Variants in ARHGEF1 observed in about 807,000 individuals in gnomAD.
ARHGEF1 encodes the protein 115 kDa guanine nucleotide exchange factor.
In ARHGEF1, 40 loss-of-function variants were observed where a neutral mutation model predicts 119.7. The observed-to-expected ratio is 0.33, with a 90% CI of 0.26 to 0.44. The LOEUF (loss-of-function observed/expected upper bound fraction) is 0.44, where lower values mean the gene tolerates loss of function less well. Ranked by LOEUF, ARHGEF1 falls within the 20% of genes least tolerant of loss-of-function variation. The probability of loss-of-function intolerance (pLI) is 1.00; values close to 1 mark genes in which losing one functional copy is unlikely to be tolerated. For synonymous variants in ARHGEF1, 494 were observed against 521.0 expected, an observed-to-expected ratio of 0.95 and a Z score of 0.71; for missense variants, 976 against 1,268.3, an observed-to-expected ratio of 0.77 and a Z score of 3.50.
At chr19:41,915,511 T>C (rs1468690175) in intron 18 of ARHGEF1, among the ~76,000 whole-genome samples, 8 of 151,844 alleles carry the variant, frequency 5.3e-5, no homozygotes, top group Non-Finnish European at 7.4e-5. Context: ...TGTCTCTGGG[T>C]CTCCACATGG....
In ARHGEF1 at chr19:41,905,135, G is replaced by A. The variant is rs368966748; in HGVS notation, c.2250-40G>A. ...GTGGGGAGGCCCTGGCATAGGGTCT[G>A]GGGGCTCTGACTGCCCAGGGATTTG... On this transcript the variant is annotated intron_variant, in intron 23 of 28. Coordinates refer to ENST00000354532, the MANE Select transcript of ARHGEF1 (RefSeq NM_004706.4). This position sits in a 1 kb window ranked among gnomAD's most constrained non-coding sequence, Gnocchi z 6.4. 22 of 1,611,552 alleles carry A rather than the reference G, an allele frequency of 1.4e-5. No individual in the cohort carries two copies. Among genetic ancestry groups the A allele is most frequent in the Non-Finnish European group, 1.7e-5 (20 of 1,177,878 alleles).
rs1229964086 is a variant in ARHGEF1, at chr19:41,902,669, G to A, written c.1623+11G>A. On this transcript the variant is annotated intron_variant, in intron 17 of 28. Transcript: ENST00000354532. This position sits in a 1 kb window ranked among gnomAD's most constrained non-coding sequence, Gnocchi z 6.5. ...TGTGCCTTCGTGCAGGTGAGGTGGG[G>A]TCTGGACTCCAGCTTCCCAGGGAGG... 1 of 1,614,062 alleles carries A rather than the reference G, an allele frequency of 6.2e-7. No individual in the cohort carries two copies. The highest frequency in any genetic ancestry group is 1.3e-5 in the African/African-American group (1 of 75,052).
At chr19:41,908,077 C>G (rs963267725), downstream of ARHGEF1, 237 of 519,734 alleles carry the variant, frequency 4.6e-4, no homozygotes, top group East Asian at 6.9e-3. This position sits in a 1 kb window ranked among gnomAD's most constrained non-coding sequence, Gnocchi z 6.7. Context: ...AGACCCCCCC[C>G]ACTCTGGGGC....
At chr19:41,907,510 C>A, downstream of ARHGEF1, 3 of 1,137,440 alleles carry the variant, frequency 2.6e-6, no homozygotes, top group Non-Finnish European at 3.6e-6. Context: ...CTCTCTGTGA[C>A]TGTCTGGCGT....
chr19:41,903,495 C>T lies in ARHGEF1; in HGVS notation c.1839+88C>T, dbSNP rs1052846375. Reference sequence around the variant, plus strand: ...ACCTCAGCCTGTCCAGAAGTCACACCCCACCCCTTGGCTTGTCTCCCTCAA... The same window carrying T: ...ACCTCAGCCTGTCCAGAAGTCACACTCCACCCCTTGGCTTGTCTCCCTCAA... On this transcript the variant is annotated intron_variant, in intron 19 of 28. Transcript: ENST00000354532. The surrounding 1 kb of genome is among the most constrained non-coding windows in gnomAD (Gnocchi z 4.2). 4 of 1,336,332 alleles carry T rather than the reference C, an allele frequency of 3.0e-6. No individual in the cohort carries two copies. Among genetic ancestry groups the T allele is most frequent in the African/African-American group, 3.0e-5 (2 of 66,344 alleles). The allele number at this position is 1,336,332 out of a possible 1,614,324, so 82.8% of individuals were successfully genotyped here.
chr19:41,892,409 G>A lies in ARHGEF1; in HGVS notation c.367+36G>A, dbSNP rs781996865. On this transcript the variant is annotated intron_variant, in intron 6 of 28. Transcript: ENST00000354532. This position sits in a 1 kb window ranked among gnomAD's most constrained non-coding sequence, Gnocchi z 6.3. ...GGATGGGATGAGGGAGAGGTGTCTA[G>A]CGGGGACCACACCTCCCAGGAGGCC... is the stretch of plus-strand genomic sequence containing the variant. 2 of 1,613,568 alleles carry A rather than the reference G, an allele frequency of 1.2e-6. No homozygotes were observed. The highest frequency in any genetic ancestry group is 1.7e-6 in the Non-Finnish European group (2 of 1,179,802).
In ARHGEF1 at chr19:41,926,101, C is replaced by G. The variant is rs138528071; in HGVS notation, c.141-2730C>G. Among the ~76,000 whole-genome samples the G allele has an allele frequency of 2.6e-5, 4 of 151,730 alleles. No homozygotes were observed. In the South Asian group the frequency reaches 6.3e-4, roughly 24 times the overall value. On this transcript the variant is annotated intron_variant, in intron 1 of 2. Coordinates refer to the ARHGEF1 transcript ENST00000594417. Reference sequence around the variant, plus strand: ...TTTAGGGGACAGGTGGGATGGCTCACGTACAGGTAGGAAGGGGCCAGTGTG... The same window carrying G: ...TTTAGGGGACAGGTGGGATGGCTCAGGTACAGGTAGGAAGGGGCCAGTGTG...
chr19:41,906,067 C>G lies in ARHGEF1; in HGVS notation c.2491+42C>G, dbSNP rs373112348. ...CCTCCAGGGTGGCCACCAGCCCAAACAGTGCCTCTGTTCCAACTAGAACAA... is the reference window on the plus strand; with the variant it reads ...CCTCCAGGGTGGCCACCAGCCCAAAGAGTGCCTCTGTTCCAACTAGAACAA... On this transcript the variant is annotated intron_variant, in intron 26 of 28. Coordinates refer to ENST00000354532, the MANE Select transcript of ARHGEF1 (RefSeq NM_004706.4). The surrounding 1 kb of genome is among the most constrained non-coding windows in gnomAD (Gnocchi z 4.5). 3.8e-6 allele frequency: 6 copies of G among 1,562,290 alleles called. No individual in the cohort carries two copies. The highest frequency in any genetic ancestry group is 1.7e-5 in the Admixed American group (1 of 59,824).
At position 41,883,193 on chromosome 19, in the gene ARHGEF1, C is replaced by G; in HGVS notation, c.-116C>G. 5.6e-6 allele frequency: 1 copy of G among 177,128 alleles called. No individual in the cohort carries two copies. The highest frequency in any genetic ancestry group is 6.6e-5 in the South Asian group (1 of 15,124). The allele number at this position is 177,128 out of a possible 1,614,324, so 11.0% of individuals were successfully genotyped here. A position where few individuals can be genotyped will look rare whatever the true frequency, so the allele number is the denominator to read the frequency against. On this transcript the variant is annotated 5_prime_UTR_variant, in exon 1 of 29. Transcript: ENST00000354532. The surrounding 1 kb of genome is among the most constrained non-coding windows in gnomAD (Gnocchi z 7.6). ...TCCGGAAAAACGCCCCGACTTCCTG[C>G]CCCGCCAGAGCCAGGAAGCGGGAGC...
chr19:41,893,177 C>T (rs1555846653), intron 7 of ARHGEF1, 97 bp from the exon 8 acceptor site: 2 of 1,520,616 alleles, frequency 1.3e-6, no homozygotes, highest in Non-Finnish European at 9.0e-7. Context: ...TCTCTTCCCC[C>T]TGCCTATCCC....
intron 4 of ARHGEF1, 69 bp from the exon 5 acceptor site, chr19:41,891,956 T>A: frequency 7.2e-7 from 1 of 1,391,674 alleles, no homozygotes. Flanking sequence ...AGGAAGGCCC[T>A]TTTCAAAGGG....
rs555872629 is a variant in ARHGEF1 at position 41,902,150 on chromosome 19, C to T, written c.1414+117C>T. 8.5e-5 allele frequency: 132 copies of T among 1,553,728 alleles called. No individual in the cohort carries two copies. Among genetic ancestry groups the T allele is most frequent in the East Asian group, 5.2e-4 (23 of 44,100 alleles). On this transcript the variant is annotated intron_variant, in intron 15 of 28. Transcript: ENST00000354532. This position sits in a 1 kb window ranked among gnomAD's most constrained non-coding sequence, Gnocchi z 6.5. ...GGTTCACATGGGGTGGGGGCAGATA[C>T]GCCATCCGGTCCCGAGGATCAGACA...
At position 41,892,149 on chromosome 19, in the gene ARHGEF1, C is replaced by T; in HGVS notation, c.324+26C>T. The stretch of plus-strand genomic sequence containing the variant: ...GTGAGAGACCTTCAAGCTGCCCCAA[C>T]CCTGCAATCCCTGTTTGGGCCTGCA... On this transcript the variant is annotated intron_variant, in intron 5 of 28. Coordinates refer to ENST00000354532, the MANE Select transcript of ARHGEF1 (RefSeq NM_004706.4). This position sits in a 1 kb window ranked among gnomAD's most constrained non-coding sequence, Gnocchi z 6.3. The T allele has an allele frequency of 6.3e-7, 1 of 1,598,142 alleles. No individual in the cohort carries two copies. The highest frequency in any genetic ancestry group is 2.2e-5 in the East Asian group (1 of 44,656).
In ARHGEF1 at chr19:41,903,996, C is replaced by T; in HGVS notation, c.1918-39C>T. On this transcript the variant is annotated intron_variant, in intron 20 of 28. Transcript: ENST00000354532. The surrounding 1 kb of genome is among the most constrained non-coding windows in gnomAD (Gnocchi z 4.2). ...CCTCCCCACCAACCCCAATCACCCC[C>T]TGCCAACCTGCACAAACCATCACCC... 6.2e-7 allele frequency: 1 copy of T among 1,603,912 alleles called. No homozygotes were observed. The highest frequency in any genetic ancestry group is 8.5e-7 in the Non-Finnish European group (1 of 1,171,238).
upstream of ARHGEF1, among the ~76,000 whole-genome samples, chr19:41,918,554 A>G (rs1385414860): frequency 3.6e-5 from 5 of 139,930 alleles, no homozygotes; most frequent in Admixed American, 3.6e-4. Context: ...ACACACACAC[A>G]TCACTAACCC....
Position 41,900,720 on chromosome 19 carries a change from C to CT in ARHGEF1, c.1268-1167_1268-1166insT, listed in dbSNP as rs573735964. The CT allele has an allele frequency of 1.3e-4, 19 of 151,546 alleles. No homozygotes were observed. The East Asian group carries it at 3.5e-3, about 28-fold the overall frequency. The allele number at this position is 151,546 out of a possible 1,614,324, so 9.4% of individuals were successfully genotyped here. A position where few individuals can be genotyped will look rare whatever the true frequency, so the allele number is the denominator to read the frequency against. ...AAAGCCCAGGCAGGCAAATGAGGAC[C>CT]ATTGGTCACTCTGGCCAGCTGCCAC... On this transcript the variant is annotated intron_variant, in intron 14 of 28. Coordinates refer to ENST00000354532, the MANE Select transcript of ARHGEF1 (RefSeq NM_004706.4).
At chr19:41,919,267 G>A (rs2074823193), upstream of ARHGEF1, among the ~76,000 whole-genome samples, 1 of 152,088 alleles carries the variant, frequency 6.6e-6, no homozygotes, top group Non-Finnish European at 1.5e-5. Context: ...AGCACACAGG[G>A]TGACACCAGA....
In ARHGEF1 at chr19:41,904,192, G is replaced by A. The variant is rs376838085; in HGVS notation, c.1994-24G>A. 388 of 1,612,932 alleles carry A rather than the reference G, an allele frequency of 2.4e-4. No individual in the cohort carries two copies. Among genetic ancestry groups the A allele is most frequent in the Non-Finnish European group, 3.0e-4 (357 of 1,179,286 alleles). ...GGAGGGGGTCGCGCGGGGGCACGCC[G>A]TGTGAGCACTGCTCGCCCCGTAGAG... is the stretch of plus-strand genomic sequence containing the variant. On this transcript the variant is annotated intron_variant, in intron 21 of 28. Coordinates refer to ENST00000354532, the MANE Select transcript of ARHGEF1 (RefSeq NM_004706.4). This position sits in a 1 kb window ranked among gnomAD's most constrained non-coding sequence, Gnocchi z 8.4.
At chr19:41,923,017 G>T (rs1399136858), upstream of ARHGEF1, 6 of 396,224 alleles carry the variant, frequency 1.5e-5, no homozygotes, top group Non-Finnish European at 1.5e-5. Flanking sequence ...CTAGGGAAGA[G>T]GCGGGAGGGG....
Sources: gnomAD v4.1 joint callset for allele counts (sites outside exome capture counted in the v4.1 genomes callset) on GRCh38, gnomAD v4.1.1 for gene constraint, Gnocchi (gnomAD v3.1) non-coding constraint, MANE v1.5 for transcripts, NCBI Gene and HGNC (gene_info 2026-07-23, HGNC 2026-07-21) for gene names.